TGM3: variants seen among roughly 807,000 people sequenced by gnomAD.
TGM3 encodes the protein transglutaminase 3, also known as protein-glutamine gamma-glutamyltransferase E.
Under a neutral mutation model 73.8 loss-of-function variants are expected in TGM3, and 52 were observed. The ratio of observed to expected loss-of-function variants is 0.70; its 90% CI spans 0.56 to 0.89. The LOEUF is 0.89. Ranked by LOEUF, TGM3 falls within the 40% of genes least tolerant of loss-of-function variation. TGM3 has a pLI of 0.00. For missense variants in TGM3, 928 were observed against 909.9 expected (o/e 1.02, Z -0.26); for synonymous variants, 372 against 354.9 (o/e 1.05, Z -0.54).
chr20:2,304,036 CTCT>C (rs776118816), intron 1 of TGM3, among the ~76,000 whole-genome samples: 6 of 152,222 alleles, frequency 3.9e-5, no homozygotes, highest in South Asian at 2.1e-4. Context: ...CGACTCCTGT[CTCT>C]TCTTCTCCTC....
intron 1 of TGM3, among the ~76,000 whole-genome samples, chr20:2,307,288 A>G (rs911177761): frequency 1.3e-4 from 20 of 151,978 alleles, no homozygotes; most frequent in African/African-American, 4.8e-4. Context: ...GAGGGTACCT[A>G]TGGTGACCCT....
In TGM3 at chr20:2,340,553, C is replaced by A; in HGVS notation, c.2054C>A (p.Ala685Asp). Residue 685 changes from alanine to aspartate, a missense_variant, in exon 13 of 13, where the codon GCC (alanine) becomes GAC (aspartate). By Grantham distance (126) the Ala-to-Asp change is moderately radical. Transcript: ENST00000381458. The part of the protein sequence containing the change: ...FSCNKFPAIK[A>D]MLSIDVAE Reference sequence around the variant, plus strand: ...TGCAACAAGTTCCCTGCAATCAAGGCCATGTTGTCCATCGATGTAGCCGAA... The same window carrying A: ...TGCAACAAGTTCCCTGCAATCAAGGACATGTTGTCCATCGATGTAGCCGAA... 6.2e-7 allele frequency: 1 copy of A among 1,614,178 alleles called. No individual in the cohort carries two copies. Among genetic ancestry groups the A allele is most frequent in the Non-Finnish European group, 8.5e-7 (1 of 1,180,022 alleles).
chr20:2,305,775 G>T (rs1438291602), intron 1 of TGM3, among the ~76,000 whole-genome samples: 2 of 152,048 alleles, frequency 1.3e-5, no homozygotes, highest in Non-Finnish European at 2.9e-5. Flanking sequence ...GTGGAGTGGG[G>T]TGACAACGAC....
At chr20:2,330,102 G>A (rs1305694717) in intron 9 of TGM3, among the ~76,000 whole-genome samples, 6 of 152,100 alleles carry the variant, frequency 3.9e-5, no homozygotes, top group East Asian at 1.9e-4. Context: ...GCCCTTATGC[G>A]ACAGGACAGA....
Position 2,310,180 on chromosome 20 carries a change from C to T in TGM3, c.184C>T (p.Pro62Ser). 3 of 1,614,134 alleles carry T rather than the reference C, an allele frequency of 1.9e-6. No individual in the cohort carries two copies. Among genetic ancestry groups the T allele is most frequent in the Non-Finnish European group, 2.5e-6 (3 of 1,180,028 alleles). Residue 62 changes from proline (P) to serine (S), a missense_variant and splice_region_variant, in exon 3 of 13, where the codon CCT (proline) becomes TCT (serine). Coordinates refer to ENST00000381458, the MANE Select transcript of TGM3 (RefSeq NM_003245.4). ...TCAACCTCTGTCTTCTTTGACAGGG[C>T]CTTACCCCTCAGAGTCGGCCATGAC... ...ERLEFIVSTG[P>S]YPSESAMTKA...
Position 2,317,175 on chromosome 20 carries a change from T to C in TGM3, c.777T>C (p.Asn259=). Residue 259 remains asparagine (N), a synonymous_variant, in exon 6 of 13, where the codon AAT becomes AAC. Coordinates refer to ENST00000381458, the MANE Select transcript of TGM3 (RefSeq NM_003245.4). ...SWNGSVEILK[N]WKKSGFSPVR... ...ACGGCAGCGTGGAGATCCTCAAAAA[T>C]TGGAAAAAATCTGGCTTCAGCCCAG... 3 of 1,613,994 alleles carry C rather than the reference T, an allele frequency of 1.9e-6. No homozygotes were observed. Among genetic ancestry groups the C allele is most frequent in the Non-Finnish European group, 2.5e-6 (3 of 1,179,994 alleles).
chr20:2,300,231 A>AG, intron 1 of TGM3, among the ~76,000 whole-genome samples: 1 of 88,754 alleles, frequency 1.1e-5, no homozygotes, highest in Non-Finnish European at 2.8e-5. Context: ...AAAGAAAGAA[A>AG]GAAAAAAAGA....
chr20:2,304,607 G>A (rs529035074), intron 1 of TGM3, among the ~76,000 whole-genome samples: 9 of 152,306 alleles, frequency 5.9e-5, no homozygotes, highest in Admixed American at 3.3e-4. Context: ...CAGTGACAGG[G>A]TAGAGTCAGT....
Position 2,331,989 on chromosome 20 carries a change from T to C in TGM3, c.1334-13T>C. ...ACATCCCTGGCATGTTTCTGTCTTT[T>C]CCCACCACACAGGCTCTGACCAGGA... is the stretch of plus-strand genomic sequence containing the variant. On this transcript the variant is annotated splice_polypyrimidine_tract_variant and intron_variant, in intron 9 of 12. Coordinates refer to ENST00000381458, the MANE Select transcript of TGM3 (RefSeq NM_003245.4). The C allele has an allele frequency of 1.3e-6, 2 of 1,582,860 alleles. No homozygotes were observed. The highest frequency in any genetic ancestry group is 1.7e-6 in the Non-Finnish European group (2 of 1,164,134).
Position 2,335,141 on chromosome 20 carries a change from G to T in TGM3, c.1668G>T (p.Ser556=). The T allele has an allele frequency of 1.2e-6, 2 of 1,614,208 alleles. No individual in the cohort carries two copies. The change falls in exon 11 of 13, where the codon TCG becomes TCT. Residue 556 remains serine, a synonymous_variant. Transcript: ENST00000381458. ...EEEAEHPIKI[S]YAQYEKYLKS... ...AGGCAGAACATCCCATAAAGATCTC[G>T]TACGCTCAGTATGAGAAGTACCTGA...
In TGM3 at chr20:2,310,239, T is replaced by A; in HGVS notation, c.243T>A (p.Ser81Arg). 6.2e-7 allele frequency: 1 copy of A among 1,614,224 alleles called. No homozygotes were observed. ...TGTTTCCACTCTCCAATGGCAGTAG[T>A]GGTGGCTGGAGTGCGGTGCTTCAGG... ...KAVFPLSNGS[S>R]GGWSAVLQAS... is the part of the protein sequence containing the mutation. The change falls in exon 3 of 13, where the codon AGT (serine) becomes AGA (arginine). Residue 81 changes from serine to arginine, a missense_variant. Ser to Arg is a moderately radical substitution (Grantham distance 110). Transcript: ENST00000381458.
intron 8 of TGM3, among the ~76,000 whole-genome samples, chr20:2,326,761 C>T (rs938025479): frequency 2.0e-5 from 3 of 151,752 alleles, no homozygotes; most frequent in South Asian, 2.1e-4. Context: ...GTGGGAGAAT[C>T]GCTGGAACTC....
chr20:2,319,327 C>T (rs553694734), intron 7 of TGM3, among the ~76,000 whole-genome samples: 1 of 152,286 alleles, frequency 6.6e-6, no homozygotes, highest in East Asian at 1.9e-4. Flanking sequence ...AGTTCCTCCA[C>T]TGAAAGCATT....
chr20:2,335,261 C>G lies in TGM3; in HGVS notation c.1788C>G (p.Thr596=). 6.2e-7 allele frequency: 1 copy of G among 1,614,072 alleles called. No individual in the cohort carries two copies. The highest frequency in any genetic ancestry group is 8.5e-7 in the Non-Finnish European group (1 of 1,180,000). ...GGGACATCATCCTGGACAACCCCAC[C>G]TTGACCCTGGAGGTAATGGGGCTCC... is the stretch of plus-strand genomic sequence containing the variant. ...VERDIILDNP[T]LTLEVLNEAR... is the part of the protein sequence containing the mutation. Residue 596 remains threonine (T), a synonymous_variant, in exon 11 of 13, where the codon ACC becomes ACG. Coordinates refer to ENST00000381458, the MANE Select transcript of TGM3 (RefSeq NM_003245.4).
At chr20:2,317,859 G>A (rs1490952581) in intron 7 of TGM3, among the ~76,000 whole-genome samples, 1 of 150,402 alleles carries the variant, frequency 6.6e-6, no homozygotes, top group Non-Finnish European at 1.5e-5. Context: ...TTCATTTCAA[G>A]TAATCCATAT....
In TGM3 at chr20:2,301,740, G is replaced by A. The variant is rs552567465; in HGVS notation, c.7+5670G>A. Among the ~76,000 whole-genome samples the A allele has an allele frequency of 1.1e-4, 17 of 151,226 alleles. No homozygotes were observed. In the South Asian group the frequency reaches 2.7e-3, roughly 24 times the overall value. On this transcript the variant is annotated intron_variant, in intron 1 of 12. Coordinates refer to ENST00000381458, the MANE Select transcript of TGM3 (RefSeq NM_003245.4). ...TTTTGAGACGGAGTCTCCCTCTGTC[G>A]CCCAGGCAGGAGTGCAGTGGTGAGA... is the stretch of plus-strand genomic sequence containing the variant.
chr20:2,317,540 G>A (rs1043264299), intron 7 of TGM3, 55 bp downstream of exon 7: 96 of 1,605,126 alleles, frequency 6.0e-5, no homozygotes, highest in Middle Eastern at 1.7e-4. Flanking sequence ...GTGGCTTCTC[G>A]CTCTCACCAT....
chr20:2,299,376 C>T lies in TGM3; in HGVS notation c.7+3306C>T, dbSNP rs191984775. Among the ~76,000 whole-genome samples the T allele has an allele frequency of 4.7e-3, 716 of 152,328 alleles. 1 individual carries two copies. Among genetic ancestry groups the T allele is most frequent in the Non-Finnish European group, 7.8e-3 (530 of 68,026 alleles). On this transcript the variant is annotated intron_variant, in intron 1 of 12. Coordinates refer to ENST00000381458, the MANE Select transcript of TGM3 (RefSeq NM_003245.4). ...CCTCCCCACTCCCGCTTCATCCATT[C>T]CCAAGTCCAAAGTCCTCATGCCTGA...
intron 1 of TGM3, among the ~76,000 whole-genome samples, chr20:2,301,756 A>G (rs190486712): frequency 6.6e-6 from 1 of 151,752 alleles, no homozygotes; most frequent in Non-Finnish European, 1.5e-5. Context: ...GCAGGAGTGC[A>G]GTGGTGAGAT....
Sources: gnomAD v4.1 joint callset for allele counts (sites outside exome capture counted in the v4.1 genomes callset) on GRCh38, gnomAD v4.1.1 for gene constraint, MANE v1.5 for transcripts, NCBI Gene and HGNC (gene_info 2026-07-23, HGNC 2026-07-21) for gene names.